SBF2: variants seen among roughly 807,000 people sequenced by gnomAD.
SBF2 encodes the protein myotubularin-related protein 13.
In SBF2, 112 loss-of-function variants were observed where a neutral mutation model predicts 225.2. The ratio of observed to expected loss-of-function variants is 0.50; its 90% CI spans 0.43 to 0.58. The LOEUF (loss-of-function observed/expected upper bound fraction) is 0.58, where lower values mean the gene tolerates loss of function less well. SBF2 is among the 20% of genes least tolerant of loss of function. SBF2 has a pLI of 0.00. For synonymous variants in SBF2, 763 were observed against 773.3 expected, an observed-to-expected ratio of 0.99 and a Z score of 0.22; for missense variants, 1,996 against 2,206.2, an observed-to-expected ratio of 0.90 and a Z score of 1.91.
intron 13 of SBF2, among the ~76,000 whole-genome samples, chr11:9,989,283 G>A (rs77888564): frequency 6.6e-6 from 1 of 152,044 alleles, no homozygotes; most frequent in African/African-American, 2.4e-5. Context: ...TAAATTTTGG[G>A]GACTTGGGGT....
intron 33 of SBF2, among the ~76,000 whole-genome samples, chr11:9,792,191 G>A (rs984993849): frequency 3.3e-5 from 5 of 152,078 alleles, no homozygotes; most frequent in Non-Finnish European, 5.9e-5. Context: ...CAGCACTTTG[G>A]GAGGCTGACG....
intron 2 of SBF2, among the ~76,000 whole-genome samples, chr11:10,062,100 G>T (rs1950467884): frequency 6.6e-6 from 1 of 151,830 alleles, no homozygotes; most frequent in African/African-American, 2.4e-5. Flanking sequence ...ATGGAGAAAA[G>T]ACTCCCTAAA....
intron 1 of SBF2, among the ~76,000 whole-genome samples, chr11:10,285,000 T>C (rs1963654548): frequency 6.6e-6 from 1 of 151,956 alleles, no homozygotes; most frequent in African/African-American, 2.4e-5. Flanking sequence ...AAAGACACTT[T>C]AGGAACAAAA....
intron 27 of SBF2, among the ~76,000 whole-genome samples, chr11:9,831,947 G>A (rs544158851): frequency 1.3e-5 from 2 of 152,162 alleles, no homozygotes; most frequent in Non-Finnish European, 2.9e-5. Flanking sequence ...TGGTTTGCTG[G>A]AATGAAAATT....
intron 17 of SBF2, among the ~76,000 whole-genome samples, chr11:9,883,948 C>T (rs116166002): frequency 1.3e-5 from 2 of 152,138 alleles, no homozygotes; most frequent in Non-Finnish European, 2.9e-5. Context: ...TGAAGTATGA[C>T]ATTAAGCTGT....
At chr11:9,836,151 G>T (rs1184541438) in intron 26 of SBF2, among the ~76,000 whole-genome samples, 1 of 151,998 alleles carries the variant, frequency 6.6e-6, no homozygotes, top group Non-Finnish European at 1.5e-5. Flanking sequence ...TTACTTTATA[G>T]ATAATGTTTT....
chr11:10,110,905 T>C (rs1197213682), intron 2 of SBF2, among the ~76,000 whole-genome samples: 1 of 152,186 alleles, frequency 6.6e-6, no homozygotes, highest in Non-Finnish European at 1.5e-5. Flanking sequence ...GATATAACGA[T>C]ACTTATTTTA....
At chr11:10,223,778 C>T (rs1250315360) in intron 1 of SBF2, among the ~76,000 whole-genome samples, 1 of 151,896 alleles carries the variant, frequency 6.6e-6, no homozygotes, top group Non-Finnish European at 1.5e-5. Flanking sequence ...TTTTAACTAT[C>T]GTATCCAACT....
intron 1 of SBF2, among the ~76,000 whole-genome samples, chr11:10,261,203 T>C (rs927107413): frequency 6.6e-6 from 1 of 152,144 alleles, no homozygotes; most frequent in Non-Finnish European, 1.5e-5. Context: ...CTCTTTTTGT[T>C]GTAGTTGTTT....
intron 2 of SBF2, among the ~76,000 whole-genome samples, chr11:10,053,596 A>G (rs1950136853): frequency 6.6e-6 from 1 of 152,106 alleles, no homozygotes; most frequent in Non-Finnish European, 1.5e-5. Flanking sequence ...ATTCTTCAAA[A>G]GTTTGAAAAA....
intron 6 of SBF2, among the ~76,000 whole-genome samples, chr11:10,025,776 T>G (rs1840887249): frequency 6.6e-6 from 1 of 152,054 alleles, no homozygotes; most frequent in Non-Finnish European, 1.5e-5. Flanking sequence ...CTGTTTTCTA[T>G]TTTTAGTAGA....
intron 16 of SBF2, among the ~76,000 whole-genome samples, chr11:9,897,674 T>A (rs1414135081): frequency 6.6e-6 from 1 of 152,204 alleles, no homozygotes; most frequent in Admixed American, 6.5e-5. Flanking sequence ...CCTTAGACAA[T>A]GTAGCTATCT....
chr11:10,066,445 G>A (rs1950627122), intron 2 of SBF2, among the ~76,000 whole-genome samples: 1 of 151,866 alleles, frequency 6.6e-6, no homozygotes. Context: ...ATACAGGGTT[G>A]ATTTACATTT....
intron 2 of SBF2, among the ~76,000 whole-genome samples, chr11:10,191,371 C>A (rs1158140033): frequency 6.6e-6 from 1 of 151,954 alleles, no homozygotes; most frequent in Non-Finnish European, 1.5e-5. Flanking sequence ...TAAAGATATG[C>A]AAAAATAAGG....
At chr11:10,052,725 A>T (rs1241387528) in intron 2 of SBF2, among the ~76,000 whole-genome samples, 2 of 152,192 alleles carry the variant, frequency 1.3e-5, no homozygotes, top group Non-Finnish European at 2.9e-5. Context: ...TATTTTATAT[A>T]TAACCATATC....
chr11:10,200,986 C>T (rs1957550943), intron 1 of SBF2, among the ~76,000 whole-genome samples: 1 of 152,200 alleles, frequency 6.6e-6, no homozygotes, highest in Admixed American at 6.5e-5. Context: ...ATACACATTA[C>T]TGACACTGGC....
intron 1 of SBF2, among the ~76,000 whole-genome samples, chr11:10,268,645 G>A (rs781449507): frequency 6.6e-6 from 1 of 152,164 alleles, no homozygotes; most frequent in Non-Finnish European, 1.5e-5. Flanking sequence ...TTACTTCCCA[G>A]TGTGTAAAGC....
Position 9,935,717 on chromosome 11 carries a change from T to TA in SBF2, c.1860+26239dup, listed in dbSNP as rs1299961936. On this transcript the variant is annotated intron_variant, in intron 16 of 39. Transcript: ENST00000256190. ...AACAACAGATGGGGAAAGGATTCCCTATTTAATAAATGGTGCTGGGAAAAC... is the reference window on the plus strand; with the variant it reads ...AACAACAGATGGGGAAAGGATTCCCTAATTTAATAAATGGTGCTGGGAAAAC... Among the ~76,000 whole-genome samples the TA allele has an allele frequency of 5.3e-5, 8 of 152,340 alleles. No homozygotes were observed. The South Asian group carries it at 1.5e-3, about 28-fold the overall frequency.
rs193231984 is a variant in SBF2, at chr11:9,917,715, A to G, written c.1861-21704T>C. Among the ~76,000 whole-genome samples the G allele has an allele frequency of 3.8e-4, 57 of 150,878 alleles. 1 individual carries two copies. In the East Asian group the frequency reaches 7.9e-3, roughly 21 times the overall value. Reference sequence around the variant, plus strand: ...TCATCTTCAGATCTCTTCTTATGGTACGTGCCTTCCTGAGGTTAGCGCGAC... The same window carrying G: ...TCATCTTCAGATCTCTTCTTATGGTGCGTGCCTTCCTGAGGTTAGCGCGAC... On this transcript the variant is annotated intron_variant, in intron 16 of 39. Coordinates refer to ENST00000256190, the MANE Select transcript of SBF2 (RefSeq NM_030962.4).
Sources: allele counts gnomAD v4.1 joint callset (sites outside exome capture counted in the v4.1 genomes callset), GRCh38; gene constraint gnomAD v4.1.1; transcripts MANE v1.5; gene names NCBI Gene and HGNC (gene_info 2026-07-23, HGNC 2026-07-21).